Variants in PRSS3 observed in about 807,000 individuals in gnomAD.
PRSS3 encodes the protein serine protease 3.
Under a neutral mutation model 20.8 loss-of-function variants are expected in PRSS3, and 14 were observed. That is an observed-to-expected ratio of 0.67 (90% CI 0.44 to 1.05). PRSS3 has a LOEUF of 1.05. Ranked by LOEUF, PRSS3 falls within the 50% of genes least tolerant of loss-of-function variation. The pLI is 0.00. For missense variants in PRSS3, 237 were observed against 306.4 expected (o/e 0.77, Z 1.69); for synonymous variants, 91 against 117.6 (o/e 0.77, Z 1.46).
chr9:33,794,071 G>A (rs1352154828), upstream of PRSS3, among the ~76,000 whole-genome samples: 1 of 152,178 alleles, frequency 6.6e-6, no homozygotes, highest in African/African-American at 2.4e-5. Flanking sequence ...GAACCTGAAG[G>A]TACTCTGTGT....
At chr9:33,794,649 C>G, upstream of PRSS3, 1 of 1,399,490 alleles carries the variant, frequency 7.1e-7, no homozygotes, top group Non-Finnish European at 9.4e-7. Context: ...CCAGATTTAC[C>G]ATGGTCCAAA....
At chr9:33,754,721 C>A (rs546422969) in intron 1 of PRSS3, among the ~76,000 whole-genome samples, 1 of 152,248 alleles carries the variant, frequency 6.6e-6, no homozygotes, top group South Asian at 2.1e-4. Context: ...GTCCCAGCTA[C>A]TCAGGAGGCT....
At chr9:33,794,472 T>C (rs1824802722), upstream of PRSS3, among the ~76,000 whole-genome samples, 1 of 152,206 alleles carries the variant, frequency 6.6e-6, no homozygotes, top group Admixed American at 6.5e-5. Context: ...AATCAGGATA[T>C]TCTCTGGGAA....
At chr9:33,798,395 T>C (rs925430344) in intron 3 of PRSS3, 91 bp from the exon 4 acceptor site, 9 of 1,570,022 alleles carry the variant, frequency 5.7e-6, no homozygotes, top group South Asian at 5.6e-5. Context: ...AGAGGCAGTG[T>C]TCCTCTTCAA....
intron 1 of PRSS3, among the ~76,000 whole-genome samples, chr9:33,781,977 C>T (rs1824201821): frequency 6.6e-6 from 1 of 152,204 alleles, no homozygotes; most frequent in East Asian, 1.9e-4. Flanking sequence ...TCAAGGACCC[C>T]CTGGCTGGTC....
At chr9:33,784,287 C>T (rs1824297041) in intron 1 of PRSS3, among the ~76,000 whole-genome samples, 1 of 152,002 alleles carries the variant, frequency 6.6e-6, no homozygotes, top group African/African-American at 2.4e-5. Context: ...TTTTCAGAAG[C>T]TTTTAGGATA....
Position 33,780,282 on chromosome 9 carries a change from T to A in PRSS3, c.-52-14464T>A, listed in dbSNP as rs549980032. Among the ~76,000 whole-genome samples the A allele has an allele frequency of 4.2e-3, 646 of 152,266 alleles. 3 individuals are homozygous for A. The highest frequency in any genetic ancestry group is 7.3e-3 in the Non-Finnish European group (496 of 68,016). On this transcript the variant is annotated intron_variant, in intron 1 of 5. Coordinates refer to the PRSS3 transcript ENST00000342836. ...ACTATTTTCAGCATCCTGAAAAAAA[T>A]TTAACTAAAAATGTTATATCCTGTC...
intron 1 of PRSS3, among the ~76,000 whole-genome samples, chr9:33,752,775 A>G (rs1201498422): frequency 1.3e-5 from 2 of 152,230 alleles, no homozygotes; most frequent in Non-Finnish European, 2.9e-5. Context: ...TAAAAACTAA[A>G]TGACCACAAA....
At chr9:33,772,940 G>C (rs1442990782) in intron 1 of PRSS3, among the ~76,000 whole-genome samples, 1 of 152,088 alleles carries the variant, frequency 6.6e-6, no homozygotes, top group African/African-American at 2.4e-5. Flanking sequence ...CCATTCATCT[G>C]GACATCTCTT....
At chr9:33,785,368 G>A (rs1485385882) in intron 1 of PRSS3, among the ~76,000 whole-genome samples, 1 of 150,370 alleles carries the variant, frequency 6.7e-6, no homozygotes, top group Non-Finnish European at 1.5e-5. Flanking sequence ...TAGTAGAGAC[G>A]GGGTTTCACC....
At chr9:33,771,344 G>A (rs1171712137) in intron 1 of PRSS3, among the ~76,000 whole-genome samples, 1 of 151,234 alleles carries the variant, frequency 6.6e-6, no homozygotes, top group Non-Finnish European at 1.5e-5. Flanking sequence ...TTGAGATGGA[G>A]TCTTGCTCTG....
upstream of PRSS3, chr9:33,794,653 G>A: frequency 7.1e-7 from 1 of 1,414,530 alleles, no homozygotes; most frequent in Non-Finnish European, 9.3e-7. Flanking sequence ...ATTTACCATG[G>A]TCCAAACTCT....
intron 1 of PRSS3, among the ~76,000 whole-genome samples, chr9:33,780,368 A>G (rs1438553452): frequency 6.6e-6 from 1 of 152,218 alleles, no homozygotes; most frequent in Non-Finnish European, 1.5e-5. Flanking sequence ...AATGCTGAGG[A>G]AATTTATTTT....
At chr9:33,774,699 AAGC>A (rs1337122369) in intron 1 of PRSS3, among the ~76,000 whole-genome samples, 1 of 152,110 alleles carries the variant, frequency 6.6e-6, no homozygotes, top group Non-Finnish European at 1.5e-5. Flanking sequence ...TTTAAAAAAA[AAGC>A]AGGCTGGGCA....
At chr9:33,778,950 A>G (rs1184406581) in intron 1 of PRSS3, among the ~76,000 whole-genome samples, 1 of 152,264 alleles carries the variant, frequency 6.6e-6, no homozygotes, top group East Asian at 1.9e-4. Context: ...CTACTGGATC[A>G]CGGCACAAAC....
At chr9:33,774,005 G>T (rs1823815006) in intron 1 of PRSS3, among the ~76,000 whole-genome samples, 1 of 152,076 alleles carries the variant, frequency 6.6e-6, no homozygotes, top group African/African-American at 2.4e-5. Flanking sequence ...AGGTTTTATT[G>T]TATATTGCAC....
chr9:33,774,284 G>A (rs1823826525), intron 1 of PRSS3, among the ~76,000 whole-genome samples: 3 of 152,180 alleles, frequency 2.0e-5, no homozygotes, highest in Admixed American at 1.3e-4. Flanking sequence ...CCATTAATTT[G>A]TTAATGGAAG....
rs114172766 is a variant in PRSS3, at chr9:33,753,658, A to G, written c.-53+2931A>G. On this transcript the variant is annotated intron_variant, in intron 1 of 5. Transcript: ENST00000342836. ...CTGTTCTAACTGTTCTCCTGGTTCCATGACAAACAGAGCTTTACTTGTCTT... is the reference window on the plus strand; with the variant it reads ...CTGTTCTAACTGTTCTCCTGGTTCCGTGACAAACAGAGCTTTACTTGTCTT... 6.0e-3 allele frequency among the ~76,000 whole-genome samples: 912 copies of G among 152,360 alleles called. 15 individuals carry two copies. The highest frequency in any genetic ancestry group is 0.021 in the African/African-American group (867 of 41,590).
intron 1 of PRSS3, among the ~76,000 whole-genome samples, chr9:33,771,629 G>GTTTTTTGGTTT (rs1823697584): frequency 1.1e-4 from 13 of 115,222 alleles, no homozygotes; most frequent in South Asian, 2.5e-4. Context: ...ACTGGGTTTT[G>GTTTTTTGGTTT]TTTTTTTGTT....
Sources: gnomAD v4.1 joint callset for allele counts (sites outside exome capture counted in the v4.1 genomes callset) on GRCh38, gnomAD v4.1.1 for gene constraint, MANE v1.5 for transcripts, NCBI Gene and HGNC (gene_info 2026-07-23, HGNC 2026-07-21) for gene names.